HEATR1: variants seen among roughly 807,000 people sequenced by gnomAD.
HEATR1 encodes HEAT repeat containing 1, also known as HEAT repeat-containing protein 1.
A neutral mutation model predicts 248.2 loss-of-function variants in HEATR1; 77 were observed. The ratio of observed to expected loss-of-function variants is 0.31; its 90% CI spans 0.26 to 0.37. HEATR1 has a LOEUF of 0.37. Among genes scored for constraint, HEATR1 ranks in the 10% least tolerant of loss-of-function variants. The probability of loss-of-function intolerance (pLI) is 1.00; values close to 1 mark genes in which losing one functional copy is unlikely to be tolerated. For missense variants in HEATR1, 2,420 were observed against 2,504.9 expected, an observed-to-expected ratio of 0.97 and a Z score of 0.72; for synonymous variants, 897 against 923.1, an observed-to-expected ratio of 0.97 and a Z score of 0.51.
intron 28 of HEATR1, among the ~76,000 whole-genome samples, chr1:236,571,126 T>C (rs752117790): frequency 6.6e-6 from 1 of 152,160 alleles, no homozygotes; most frequent in Non-Finnish European, 1.5e-5. Flanking sequence ...AACAATCCAG[T>C]GAAGAAGGTT....
At chr1:236,568,653 CA>C (rs1394480920) in intron 29 of HEATR1, among the ~76,000 whole-genome samples, 1 of 152,150 alleles carries the variant, frequency 6.6e-6, no homozygotes, top group Non-Finnish European at 1.5e-5. Flanking sequence ...AAGGTATTAT[CA>C]AACTGATGCA....
Position 236,590,828 on chromosome 1 carries a change from A to C in HEATR1, c.1530+19T>G. 1 of 1,361,014 alleles carries C rather than the reference A, an allele frequency of 7.3e-7. No homozygotes were observed. The highest frequency in any genetic ancestry group is 9.9e-7 in the Non-Finnish European group (1 of 1,009,360). The allele number at this position is 1,361,014 out of a possible 1,614,324, so 84.3% of individuals were successfully genotyped here. On this transcript the variant is annotated intron_variant, in intron 12 of 44. Transcript: ENST00000366582. ...TCATAAGAAAAAAAAACCATATAAAAAAGCGATCTGAAACAAACCTTTGAT... is the reference window on the plus strand; with the variant it reads ...TCATAAGAAAAAAAAACCATATAAACAAGCGATCTGAAACAAACCTTTGAT...
intron 20 of HEATR1, among the ~76,000 whole-genome samples, chr1:236,579,539 T>C (rs1663653455): frequency 6.6e-6 from 1 of 152,210 alleles, no homozygotes; most frequent in South Asian, 2.1e-4. Context: ...CTCCATACAA[T>C]GGAATACTCT....
intron 12 of HEATR1, among the ~76,000 whole-genome samples, chr1:236,590,393 A>T (rs1035461400): frequency 6.6e-6 from 1 of 152,054 alleles, no homozygotes; most frequent in Non-Finnish European, 1.5e-5. Flanking sequence ...AACTTGGCTA[A>T]TTTTTTATTT....
At position 236,594,078 on chromosome 1, in the gene HEATR1, T is replaced by C. The variant is rs759296237; in HGVS notation, c.1127A>G (p.Lys376Arg). ...TGTAAGTATAGCTTCTAAGTGTCTCTTGTAGATTTGACCATCCATTCCTTC... is the reference window on the plus strand; with the variant it reads ...TGTAAGTATAGCTTCTAAGTGTCTCCTGTAGATTTGACCATCCATTCCTTC... ...ETEGMDGQIY[K>R]RHLEAILTKI... Residue 376 changes from lysine to arginine, a missense_variant, in exon 9 of 45, where the codon AAG becomes AGG. Physicochemically the swap from Lys to Arg is conservative, Grantham distance 26. Coordinates refer to ENST00000366582, the MANE Select transcript of HEATR1 (RefSeq NM_018072.6). 8.1e-6 allele frequency: 13 copies of C among 1,602,528 alleles called. No individual in the cohort carries two copies. Among genetic ancestry groups the C allele is most frequent in the South Asian group, 1.1e-5 (1 of 88,036 alleles).
At chr1:236,587,584 G>A (rs1027438893) in intron 13 of HEATR1, 94 bp from the exon 14 acceptor site, 7 of 512,888 alleles carry the variant, frequency 1.4e-5, no homozygotes, top group African/African-American at 1.2e-4. Context: ...TGAATTATAA[G>A]GAATTTCTCC....
At chr1:236,578,040 T>G (rs1422602712) in intron 20 of HEATR1, among the ~76,000 whole-genome samples, 1 of 152,144 alleles carries the variant, frequency 6.6e-6, no homozygotes, top group African/African-American at 2.4e-5. Context: ...AGAGTCAAGT[T>G]TTTCTTCTAC....
chr1:236,592,746 G>C (rs1664074255), intron 9 of HEATR1, 113 bp from the exon 10 acceptor site: 4 of 539,958 alleles, frequency 7.4e-6, no homozygotes, highest in Non-Finnish European at 1.0e-5. Flanking sequence ...ACTTATACAA[G>C]GTATAGTTTA....
chr1:236,581,795 GGT>G (rs1356457377), intron 19 of HEATR1, among the ~76,000 whole-genome samples: 1 of 152,194 alleles, frequency 6.6e-6, no homozygotes, highest in Non-Finnish European at 1.5e-5. Flanking sequence ...GGAGGTCACT[GGT>G]GCTGGGGATG....
chr1:236,559,249 C>T (rs1169546820), intron 34 of HEATR1, 114 bp from the exon 35 acceptor site: 23 of 685,928 alleles, frequency 3.4e-5, no homozygotes, highest in Non-Finnish European at 4.2e-5. Flanking sequence ...GGCACTTCCA[C>T]ACACATTTTC....
chr1:236,599,695 C>T, intron 3 of HEATR1, 71 bp from the exon 4 acceptor site: 1 of 1,354,928 alleles, frequency 7.4e-7, no homozygotes, highest in South Asian at 1.4e-5. Context: ...CTCACATGCC[C>T]AAACTGTATT....
chr1:236,577,205 G>A (rs2853595), intron 20 of HEATR1, among the ~76,000 whole-genome samples: 5 of 152,178 alleles, frequency 3.3e-5, no homozygotes, highest in Non-Finnish European at 5.9e-5. Flanking sequence ...TGGACATTGC[G>A]CAATGGTGCA....
chr1:236,593,825 T>C (rs541775039), intron 9 of HEATR1, among the ~76,000 whole-genome samples, 187 bp downstream of exon 9: 77 of 152,298 alleles, frequency 5.1e-4, no homozygotes, highest in African/African-American at 1.7e-3. Flanking sequence ...ACTAAAGACA[T>C]GCAAGAAAAA....
At position 236,592,015 on chromosome 1, in the gene HEATR1, G is replaced by C. The variant is rs1269110885; in HGVS notation, c.1400C>G (p.Ser467Cys). The change falls in exon 11 of 45, where the codon TCT becomes TGT. Residue 467 changes from serine to cysteine, a missense_variant. Coordinates refer to ENST00000366582, the MANE Select transcript of HEATR1 (RefSeq NM_018072.6). ...QELFHQFVSL[S>C]TSGGKYQFLA... is the part of the protein sequence containing the mutation. Reference sequence around the variant, plus strand: ...TACCTGATACTTTCCTCCACTTGTAGAAAGAGAAACAAACTGATGGAAAAG... The same window carrying C: ...TACCTGATACTTTCCTCCACTTGTACAAAGAGAAACAAACTGATGGAAAAG... The C allele has an allele frequency of 1.3e-6, 2 of 1,599,204 alleles. No individual in the cohort carries two copies. Among genetic ancestry groups the C allele is most frequent in the South Asian group, 2.2e-5 (2 of 89,662 alleles).
chr1:236,571,399 G>A lies in HEATR1; in HGVS notation c.3900C>T (p.Thr1300=), dbSNP rs1663421037. 1.2e-6 allele frequency: 2 copies of A among 1,612,680 alleles called. No individual in the cohort carries two copies. The highest frequency in any genetic ancestry group is 3.4e-5 in the Admixed American group (2 of 59,504). Residue 1300 remains threonine, a synonymous_variant, in exon 28 of 45, where the codon ACC becomes ACT. Transcript: ENST00000366582. The part of the protein sequence containing the change: ...QCIRLSEMPQ[T]HHHALLLLGT... The stretch of plus-strand genomic sequence containing the variant: ...CCAAAAGTAAAAGGGCATGGTGATG[G>A]GTCTGCGGCATCTCCGAAAGGCGGA...
intron 2 of HEATR1, 59 bp from the exon 3 acceptor site, chr1:236,603,435 C>T: frequency 4.4e-6 from 6 of 1,376,404 alleles, no homozygotes; most frequent in Non-Finnish European, 6.2e-6. Context: ...TTCATCCCAC[C>T]CCTCTTTTAC....
Position 236,581,258 on chromosome 1 carries a change from G to C in HEATR1, c.2719C>G (p.Gln907Glu). ...GCAMLSSQKT[Q>E]CKHQLASISS... is the part of the protein sequence containing the mutation. ...ATGGATGCCAGTTGGTGTTTACACT[G>C]TGTCTTCTGAGAAGAAAGCATTGCA... The change falls in exon 20 of 45, where the codon CAG (glutamine) becomes GAG (glutamate). Residue 907 changes from glutamine to glutamate, a missense_variant. By Grantham distance (29) the Gln-to-Glu change is conservative. Transcript: ENST00000366582. The C allele has an allele frequency of 6.2e-7, 1 of 1,613,754 alleles. No homozygotes were observed. Among genetic ancestry groups the C allele is most frequent in the East Asian group, 2.2e-5 (1 of 44,854 alleles).
chr1:236,603,471 C>T, intron 2 of HEATR1, 95 bp from the exon 3 acceptor site: 1 of 930,684 alleles, frequency 1.1e-6, no homozygotes, highest in South Asian at 1.5e-5. Flanking sequence ...TAAGAAGTTT[C>T]TGAATTCTTT....
Position 236,590,924 on chromosome 1 carries a change from G to C in HEATR1, c.1453C>G (p.Leu485Val), listed in dbSNP as rs148909192. The C allele has an allele frequency of 4.0e-6, 6 of 1,511,286 alleles. No homozygotes were observed. The highest frequency in any genetic ancestry group is 5.4e-6 in the Non-Finnish European group (6 of 1,121,112). The allele number at this position is 1,511,286 out of a possible 1,614,324, so 93.6% of individuals were successfully genotyped here. ...FLADSDTSLM[L>V]SLNHPLAPVR... is the part of the protein sequence containing the mutation. ...GGAGCAAGTGGATGATTCAGGCTGA[G>C]CATCAAAGAAGTATCAGAATCTGCT... is the stretch of plus-strand genomic sequence containing the variant. Residue 485 changes from leucine to valine, a missense_variant, in exon 12 of 45, where the codon CTC (leucine) becomes GTC (valine). By Grantham distance (32) the Leu-to-Val change is conservative (BLOSUM62 1). Coordinates refer to ENST00000366582, the MANE Select transcript of HEATR1 (RefSeq NM_018072.6).
Sources: gnomAD v4.1 joint callset for allele counts (sites outside exome capture counted in the v4.1 genomes callset) on GRCh38, gnomAD v4.1.1 for gene constraint, MANE v1.5 for transcripts, NCBI Gene and HGNC (gene_info 2026-07-23, HGNC 2026-07-21) for gene names.